The following CKAP2L variants were observed in gnomAD, a reference collection of about 807,000 sequenced individuals.
CKAP2L encodes the protein cytoskeleton-associated protein 2-like.
Under a neutral mutation model 65.7 loss-of-function variants are expected in CKAP2L, and 42 were observed. That is an observed-to-expected ratio of 0.64 (90% confidence interval 0.50 to 0.83). CKAP2L has a LOEUF of 0.83. Ranked by LOEUF, CKAP2L falls within the 40% of genes least tolerant of loss-of-function variation. The pLI is 0.00. For missense variants in CKAP2L, 908 were observed against 871.0 expected (o/e 1.04, Z -0.53); for synonymous variants, 325 against 313.5 (o/e 1.04, Z -0.39).
rs181683209 is a variant in CKAP2L at position 112,742,330 on chromosome 2, G to A, written c.1822+376C>T. On this transcript the variant is annotated intron_variant, in intron 7 of 8. Coordinates refer to ENST00000302450, the MANE Select transcript of CKAP2L (RefSeq NM_152515.5). The stretch of plus-strand genomic sequence containing the variant: ...TTCCTGAGATAGCTATTTTTAAAGC[G>A]TAACACAAATTTAGATGAGTATGTT... The A allele has an allele frequency of 2.1e-4, 148 of 713,186 alleles. 1 individual carries two copies. The African/African-American group carries it at 2.3e-3, about 11-fold the overall frequency. 44.2% of individuals were successfully genotyped at this position (713,186 alleles called of 1,614,324 possible). A position where few individuals can be genotyped will look rare whatever the true frequency, so the allele number is the denominator to read the frequency against.
Position 112,741,015 on chromosome 2 carries a change from T to A in CKAP2L, c.1823-8A>T. Reference sequence around the variant, plus strand: ...AAGAGTCAGAAGTAATCCCTGTGTATGTAAGATCATGAAGGAAAGTAAGAT... The same window carrying A: ...AAGAGTCAGAAGTAATCCCTGTGTAAGTAAGATCATGAAGGAAAGTAAGAT... On this transcript the variant is annotated splice_polypyrimidine_tract_variant and splice_region_variant and intron_variant, in intron 7 of 8. Coordinates refer to ENST00000302450, the MANE Select transcript of CKAP2L (RefSeq NM_152515.5). The A allele has an allele frequency of 6.4e-7, 1 of 1,574,712 alleles. No homozygotes were observed. Among genetic ancestry groups the A allele is most frequent in the Non-Finnish European group, 8.7e-7 (1 of 1,150,366 alleles).
At chr2:112,762,320 TG>T (rs1196516700) in intron 2 of CKAP2L, among the ~76,000 whole-genome samples, 182 bp downstream of exon 2, 1 of 152,262 alleles carries the variant, frequency 6.6e-6, no homozygotes, top group African/African-American at 2.4e-5. Context: ...GCTTTGCCAA[TG>T]GACTAAGCAC....
chr2:112,756,147 A>G lies in CKAP2L; in HGVS notation c.1224T>C (p.Asn408=). ...PNGTSGNKHN[N]NGFQQKAQTL... ...TCTGTGCTTTTTGCTGAAAGCCATT[A>G]TTGTTATGTTTATTACCACTGGTTC... Residue 408 remains asparagine (N), a synonymous_variant, in exon 4 of 9, where the codon AAT becomes AAC. Transcript: ENST00000302450. The G allele has an allele frequency of 2.5e-6, 4 of 1,614,034 alleles. No individual in the cohort carries two copies. Among genetic ancestry groups the G allele is most frequent in the Non-Finnish European group, 3.4e-6 (4 of 1,180,004 alleles).
At chr2:112,740,313 T>C (rs534994734) in intron 8 of CKAP2L, among the ~76,000 whole-genome samples, 28 of 152,312 alleles carry the variant, frequency 1.8e-4, no homozygotes, top group Admixed American at 1.6e-3. Context: ...TTCCAGATCA[T>C]GATCAGAGAA....
At chr2:112,762,719 A>G in intron 1 of CKAP2L, 150 bp from the exon 2 acceptor site, 2 of 631,664 alleles carry the variant, frequency 3.2e-6, no homozygotes, top group South Asian at 1.8e-5. Context: ...TGTGCCTTCA[A>G]GCTAACATCA....
chr2:112,756,755 T>C lies in CKAP2L; in HGVS notation c.616A>G (p.Arg206Gly), dbSNP rs1260084124. Reference protein sequence around the residue: ...ERKPDPKLYTRSKPKTDSYNQ... With the variant: ...ERKPDPKLYTGSKPKTDSYNQ... ...TAAGAGTCAGTCTTTGGCTTACTTC[T>C]GGTATATAATTTAGGATCTGGCTTC... Residue 206 changes from arginine (R) to glycine (G), a missense_variant, in exon 4 of 9, where the codon AGA (arginine) becomes GGA (glycine). Transcript: ENST00000302450. 1.9e-6 allele frequency: 3 copies of C among 1,601,388 alleles called. No homozygotes were observed. The highest frequency in any genetic ancestry group is 1.4e-5 in the African/African-American group (1 of 73,888).
intron 4 of CKAP2L, 85 bp downstream of exon 4, chr2:112,755,892 T>C (rs537522080): frequency 7.8e-7 from 1 of 1,287,178 alleles, no homozygotes; most frequent in East Asian, 2.3e-5. Flanking sequence ...CCATTATTTA[T>C]GGCCTATTTC....
intron 1 of CKAP2L, chr2:112,764,190 G>GC (rs1441414247): frequency 6.9e-6 from 2 of 290,138 alleles, no homozygotes; most frequent in African/African-American, 4.5e-5. Context: ...AGAGGACCAC[G>GC]CCCGGCTCTG....
chr2:112,761,534 G>T (rs993301824), intron 2 of CKAP2L, among the ~76,000 whole-genome samples: 1 of 151,360 alleles, frequency 6.6e-6, no homozygotes, highest in African/African-American at 2.4e-5. Context: ...TAACTTTAAG[G>T]GGGTAAAGAA....
intron 5 of CKAP2L, among the ~76,000 whole-genome samples, chr2:112,749,350 A>G (rs932952692): frequency 6.6e-6 from 1 of 152,246 alleles, no homozygotes; most frequent in African/African-American, 2.4e-5. Context: ...AAAAAATAGA[A>G]AGTAAAAATT....
rs1452964704 is a variant in CKAP2L, at chr2:112,738,110, C to T, written c.*713G>A. On this transcript the variant is annotated 3_prime_UTR_variant, in exon 9 of 9. Coordinates refer to ENST00000302450, the MANE Select transcript of CKAP2L (RefSeq NM_152515.5). ...AGCAAAGAACTGAAGAAGCAAGTGT[C>T]CACTCCCCACCCCTCTCCCCTGCCC... The T allele has an allele frequency of 6.6e-6, 1 of 152,216 alleles. No individual in the cohort carries two copies. Among genetic ancestry groups the T allele is most frequent in the Non-Finnish European group, 1.5e-5 (1 of 68,084 alleles). 9.4% of individuals were successfully genotyped at this position (152,216 alleles called of 1,614,324 possible). A position where few individuals can be genotyped will look rare whatever the true frequency, so the allele number is the denominator to read the frequency against.
intron 4 of CKAP2L, among the ~76,000 whole-genome samples, chr2:112,753,529 T>TTC (rs200353267): frequency 2.5e-4 from 34 of 134,154 alleles, no homozygotes; most frequent in East Asian, 1.8e-3. Flanking sequence ...TTCTTTTCTT[T>TTC]TTTTTTTTTT....
Position 112,741,016 on chromosome 2 carries a change from G to GT in CKAP2L, c.1823-10dup. The GT allele has an allele frequency of 6.4e-7, 1 of 1,572,890 alleles. No individual in the cohort carries two copies. Among genetic ancestry groups the GT allele is most frequent in the Non-Finnish European group, 8.7e-7 (1 of 1,148,820 alleles). On this transcript the variant is annotated splice_polypyrimidine_tract_variant and intron_variant, in intron 7 of 8. Transcript: ENST00000302450. ...AGAGTCAGAAGTAATCCCTGTGTAT[G>GT]TAAGATCATGAAGGAAAGTAAGATT...
chr2:112,741,611 CTTT>C (rs1679971322), intron 7 of CKAP2L, among the ~76,000 whole-genome samples: 1 of 152,210 alleles, frequency 6.6e-6, no homozygotes, highest in Admixed American at 6.5e-5. Flanking sequence ...CCTGTCTTCT[CTTT>C]TTATTCCTTT....
rs1413032162 is a variant in CKAP2L at position 112,763,353 on chromosome 2, T to C, written c.38-784A>G. Among the ~76,000 whole-genome samples, 3 of 152,160 alleles carry C rather than the reference T, an allele frequency of 2.0e-5. No individual in the cohort carries two copies. In the East Asian group the frequency reaches 5.8e-4, roughly 29 times the overall value. Reference sequence around the variant, plus strand: ...TTTGTTTTTTTACAGGGATGATGATTTTTACCCACAAACCCTTATATGGCT... The same window carrying C: ...TTTGTTTTTTTACAGGGATGATGATCTTTACCCACAAACCCTTATATGGCT... On this transcript the variant is annotated intron_variant, in intron 1 of 8. Coordinates refer to ENST00000302450, the MANE Select transcript of CKAP2L (RefSeq NM_152515.5).
intron 8 of CKAP2L, among the ~76,000 whole-genome samples, chr2:112,739,821 A>G (rs1452620312): frequency 6.6e-6 from 1 of 152,034 alleles, no homozygotes; most frequent in East Asian, 1.9e-4. Context: ...TGCCTGGCTA[A>G]TTTTTTATTT....
chr2:112,757,634 C>T lies in CKAP2L; in HGVS notation c.157-420G>A, dbSNP rs763668540. The stretch of plus-strand genomic sequence containing the variant: ...TGAAGTCCTGACCTCCAGTGATCCA[C>T]GCACCTTGGCCTCCCAAAGTGCTGG... On this transcript the variant is annotated intron_variant, in intron 3 of 8. Transcript: ENST00000302450. Among the ~76,000 whole-genome samples, 163 of 152,202 alleles carry T rather than the reference C, an allele frequency of 1.1e-3. 2 individuals carry two copies. Among genetic ancestry groups the T allele is most frequent in the East Asian group, 3.9e-4 (2 of 5,176 alleles).
intron 5 of CKAP2L, among the ~76,000 whole-genome samples, chr2:112,748,904 G>T (rs1216715928): frequency 6.6e-6 from 1 of 150,548 alleles, no homozygotes; most frequent in Non-Finnish European, 1.5e-5. Context: ...ACTGCAAGAA[G>T]AATATGATAT....
chr2:112,742,537 T>C, intron 7 of CKAP2L, 169 bp downstream of exon 7: 1 of 710,300 alleles, frequency 1.4e-6, no homozygotes, highest in Non-Finnish European at 2.6e-6. Context: ...TTACTTGTAA[T>C]AATACAAATA....
Sources: allele counts gnomAD v4.1 joint callset (sites outside exome capture counted in the v4.1 genomes callset), GRCh38; gene constraint gnomAD v4.1.1; transcripts MANE v1.5; gene names NCBI Gene and HGNC (gene_info 2026-07-23, HGNC 2026-07-21).